Variants in SHANK2 observed in about 807,000 individuals in gnomAD.
SHANK2 encodes the protein SH3 and multiple ankyrin repeat domains 2.
In SHANK2, 43 loss-of-function variants were observed where a neutral mutation model predicts 133.7. That is an observed-to-expected ratio of 0.32 (90% CI 0.25 to 0.41). The LOEUF is 0.41. Ranked by LOEUF, SHANK2 falls within the 10% of genes least tolerant of loss-of-function variation. SHANK2 has a pLI of 1.00. For synonymous variants in SHANK2, 1,017 were observed against 952.8 expected (o/e 1.07, Z -1.24); for missense variants, 1,994 against 2,235.8 (o/e 0.89, Z 2.18).
At chr11:70,765,911 G>A (rs888266197) in intron 14 of SHANK2, among the ~76,000 whole-genome samples, 14 of 152,156 alleles carry the variant, frequency 9.2e-5, no homozygotes, top group East Asian at 5.8e-4. Flanking sequence ...ACATCTGTAC[G>A]GGGTGAGCAC....
intron 15 of SHANK2, among the ~76,000 whole-genome samples, chr11:70,675,609 T>C (rs1591736622): frequency 1.3e-5 from 2 of 152,134 alleles, no homozygotes; most frequent in Non-Finnish European, 2.9e-5. Context: ...AGGGGAGGCG[T>C]TGGTCCTAGC....
Position 70,802,231 on chromosome 11 carries a change from G to A in SHANK2, c.1664-3675C>T, listed in dbSNP as rs113279257. ...TAAGGCACCTATGAAAACCAACTGC[G>A]GATCTCTCTATGGGCCCCACATGCT... On this transcript the variant is annotated intron_variant, in intron 13 of 25. Transcript: ENST00000601538. Among the ~76,000 whole-genome samples the A allele has an allele frequency of 9.1e-3, 1,389 of 152,260 alleles. 13 individuals are homozygous for A. The highest frequency in any genetic ancestry group is 0.031 in the African/African-American group (1,301 of 41,546).
intron 14 of SHANK2, among the ~76,000 whole-genome samples, chr11:70,786,406 G>T (rs1317035540): frequency 6.6e-6 from 1 of 152,104 alleles, no homozygotes; most frequent in Admixed American, 6.5e-5. Context: ...CCAGAGCCTT[G>T]GTGGTGCTGG....
intron 17 of SHANK2, among the ~76,000 whole-genome samples, chr11:70,567,906 C>T (rs4980612): frequency 0.94 from 142,372 of 152,260 alleles, 66,807 homozygotes; most frequent in South Asian, 0.98. Flanking sequence ...CTGCAGACAC[C>T]CTATGTATTT....
In SHANK2 at chr11:70,480,559, C is replaced by T. The variant is rs543912534; in HGVS notation, c.4979+4755G>A. Among the ~76,000 whole-genome samples, 34 of 152,286 alleles carry T rather than the reference C, an allele frequency of 2.2e-4. No individual in the cohort carries two copies. The Middle Eastern group carries it at 0.01, about 46-fold the overall frequency. On this transcript the variant is annotated intron_variant, in intron 25 of 25. Coordinates refer to ENST00000601538, the MANE Select transcript of SHANK2 (RefSeq NM_012309.5). ...TCTTATTATTTGTTGTCCATTTCTC[C>T]CCTCGAGAATTTGAGCTCCCCAAAG...
chr11:71,213,868 C>T (rs547616294), intron 2 of SHANK2, among the ~76,000 whole-genome samples: 9 of 152,294 alleles, frequency 5.9e-5, no homozygotes, highest in Admixed American at 2.6e-4. Context: ...TGGGAGAGAC[C>T]GCCCCTTCCA....
intron 14 of SHANK2, among the ~76,000 whole-genome samples, chr11:70,729,921 G>A (rs937359816): frequency 6.9e-6 from 1 of 145,916 alleles, no homozygotes; most frequent in African/African-American, 2.5e-5. Flanking sequence ...AAAAAAAGCC[G>A]ATAGGTGCCT....
intron 17 of SHANK2, among the ~76,000 whole-genome samples, chr11:70,589,465 G>C (rs1325029415): frequency 1.3e-5 from 2 of 152,182 alleles, no homozygotes; most frequent in African/African-American, 4.8e-5. Context: ...TACTGCTCAT[G>C]GACAATGAAC....
chr11:70,549,621 A>T (rs1410646972), intron 17 of SHANK2, among the ~76,000 whole-genome samples: 1 of 152,114 alleles, frequency 6.6e-6, no homozygotes, highest in Non-Finnish European at 1.5e-5. Context: ...AAGTGACCCG[A>T]GGTCCCCGGC....
intron 14 of SHANK2, among the ~76,000 whole-genome samples, chr11:70,792,236 C>T (rs2086742296): frequency 6.6e-6 from 1 of 151,900 alleles, no homozygotes. Flanking sequence ...GTCAGCTAGA[C>T]AGCTAATCAA....
chr11:70,620,819 G>C (rs567406358), intron 17 of SHANK2, among the ~76,000 whole-genome samples: 1 of 152,306 alleles, frequency 6.6e-6, no homozygotes, highest in East Asian at 1.9e-4. Flanking sequence ...TCTGCCATGT[G>C]AGGAAGCCAG....
intron 17 of SHANK2, among the ~76,000 whole-genome samples, chr11:70,585,654 T>TC (rs879979413): frequency 6.7e-6 from 1 of 148,736 alleles, no homozygotes; most frequent in Non-Finnish European, 1.5e-5. Flanking sequence ...CATCTATCCC[T>TC]CCATCCATTC....
intron 10 of SHANK2, chr11:70,907,760 T>C (rs1590819907): frequency 2.2e-5 from 7 of 315,260 alleles, no homozygotes; most frequent in South Asian, 1.8e-4. Flanking sequence ...TTTGGATAAA[T>C]ATTTTATCAA....
intron 6 of SHANK2, among the ~76,000 whole-genome samples, chr11:71,103,981 C>T (rs190673242): frequency 1.3e-5 from 2 of 151,914 alleles, no homozygotes; most frequent in East Asian, 3.9e-4. Flanking sequence ...CTCCCTTTGC[C>T]TTCCGCCATG....
At chr11:70,628,342 G>A (rs1204889646) in intron 17 of SHANK2, among the ~76,000 whole-genome samples, 1 of 152,132 alleles carries the variant, frequency 6.6e-6, no homozygotes, top group African/African-American at 2.4e-5. Flanking sequence ...AAATTCTGAC[G>A]GGCGCAGCAG....
chr11:70,631,393 C>CACACAT (rs1555002135), intron 17 of SHANK2, among the ~76,000 whole-genome samples: 2 of 149,638 alleles, frequency 1.3e-5, no homozygotes, highest in Admixed American at 1.3e-4. Flanking sequence ...CACACACACA[C>CACACAT]ACACACACAC....
At chr11:70,652,037 C>T (rs2061344966) in intron 17 of SHANK2, among the ~76,000 whole-genome samples, 1 of 152,250 alleles carries the variant, frequency 6.6e-6, no homozygotes, top group African/African-American at 2.4e-5. Flanking sequence ...GGGATGCTGG[C>T]ACCAGGCAAA....
chr11:71,235,756 A>G (rs975523148), intron 1 of SHANK2, among the ~76,000 whole-genome samples: 1 of 152,208 alleles, frequency 6.6e-6, no homozygotes, highest in Admixed American at 6.5e-5. Context: ...ACAGGCATGC[A>G]GCAGGGACAG....
intron 17 of SHANK2, among the ~76,000 whole-genome samples, chr11:70,599,811 G>C (rs1295317343): frequency 7.1e-6 from 1 of 140,666 alleles, no homozygotes; most frequent in African/African-American, 2.6e-5. Flanking sequence ...AAAGAAAGAA[G>C]AGGGAGAAGG....
Sources: gnomAD v4.1 joint callset for allele counts (sites outside exome capture counted in the v4.1 genomes callset) on GRCh38, gnomAD v4.1.1 for gene constraint, MANE v1.5 for transcripts, NCBI Gene and HGNC (gene_info 2026-07-23, HGNC 2026-07-21) for gene names.